DPP10: variants seen among roughly 807,000 people sequenced by gnomAD.
DPP10 encodes the protein inactive dipeptidyl peptidase 10.
A neutral mutation model predicts 120.9 loss-of-function variants in DPP10; 33 were observed. The observed-to-expected ratio is 0.27, with a 90% CI of 0.21 to 0.37. DPP10 has a LOEUF of 0.37. DPP10 is among the 10% of genes least tolerant of loss of function. The pLI, the probability that DPP10 is intolerant of heterozygous loss-of-function variation, is 1.00. For synonymous variants in DPP10, 337 were observed against 326.1 expected (o/e 1.03, Z -0.36); for missense variants, 816 against 942.8 (o/e 0.87, Z 1.76).
intron 21 of DPP10, among the ~76,000 whole-genome samples, chr2:115,824,489 A>G (rs1028303338): frequency 2.0e-4 from 31 of 151,916 alleles, no homozygotes; most frequent in Middle Eastern, 3.4e-3. Context: ...ACCCCCCAAC[A>G]GGCACCAGTG....
chr2:114,718,874 C>T (rs954338698), intron 1 of DPP10, among the ~76,000 whole-genome samples: 57 of 152,124 alleles, frequency 3.7e-4, no homozygotes, highest in African/African-American at 1.3e-3. Flanking sequence ...TTTGTAATGT[C>T]ACAGGGGATT....
intron 1 of DPP10, among the ~76,000 whole-genome samples, chr2:114,909,917 G>A (rs932989563): frequency 6.6e-6 from 1 of 151,858 alleles, no homozygotes; most frequent in Admixed American, 6.6e-5. Flanking sequence ...GTCAGCAGAC[G>A]TAATGAACTA....
intron 1 of DPP10, among the ~76,000 whole-genome samples, chr2:114,729,553 C>T (rs1676685271): frequency 6.6e-6 from 1 of 152,226 alleles, no homozygotes; most frequent in Non-Finnish European, 1.5e-5. Context: ...TTGGTCCCCA[C>T]AACTGAAACA....
chr2:115,087,625 C>T (rs1281624361), intron 1 of DPP10, among the ~76,000 whole-genome samples: 1 of 134,824 alleles, frequency 7.4e-6, no homozygotes, highest in Non-Finnish European at 1.6e-5. Context: ...CCAATCTCGG[C>T]TCACCGCAAC....
rs536360208 is a variant in DPP10 at position 114,457,028 on chromosome 2, G to A, written c.60+14190G>A. On this transcript the variant is annotated intron_variant, in intron 1 of 25. Transcript: ENST00000410059. Reference sequence around the variant, plus strand: ...CTGATCTAACTCCATCTAGTGAGAAGTTTCGAGAAAGAGTTTGAGTTGAGT... The same window carrying A: ...CTGATCTAACTCCATCTAGTGAGAAATTTCGAGAAAGAGTTTGAGTTGAGT... 1.1e-4 allele frequency among the ~76,000 whole-genome samples: 17 copies of A among 152,336 alleles called. No homozygotes were observed. The South Asian group carries it at 3.5e-3, about 32-fold the overall frequency.
At chr2:114,871,283 C>G (rs1467648044) in intron 1 of DPP10, among the ~76,000 whole-genome samples, 2 of 151,926 alleles carry the variant, frequency 1.3e-5, no homozygotes, top group Non-Finnish European at 2.9e-5. Flanking sequence ...GACTTTATTC[C>G]CATGAAAAAT....
At chr2:115,332,903 G>A (rs2062845252) in intron 2 of DPP10, among the ~76,000 whole-genome samples, 1 of 152,124 alleles carries the variant, frequency 6.6e-6, no homozygotes, top group African/African-American at 2.4e-5. Flanking sequence ...ATATTCTGTT[G>A]ATTTGGGTGG....
At chr2:114,945,635 C>A (rs1296966749) in intron 1 of DPP10, among the ~76,000 whole-genome samples, 2 of 151,974 alleles carry the variant, frequency 1.3e-5, no homozygotes, top group African/African-American at 2.4e-5. Context: ...GCCAACATGG[C>A]AAAACCCTAT....
In DPP10 at chr2:114,565,730, C is replaced by T. The variant is rs574951125; in HGVS notation, c.60+122892C>T. ...GGCTTGTCTTCTTATCTCAGACCTG[C>T]CACCTATAAACTACGTGACTTCCTG... On this transcript the variant is annotated intron_variant, in intron 1 of 25. Coordinates refer to ENST00000410059, the MANE Select transcript of DPP10 (RefSeq NM_020868.6). 5.9e-5 allele frequency among the ~76,000 whole-genome samples: 9 copies of T among 152,284 alleles called. No homozygotes were observed. In the East Asian group the frequency reaches 1.7e-3, roughly 29 times the overall value.
intron 5 of DPP10, among the ~76,000 whole-genome samples, chr2:115,628,325 G>A (rs562303952): frequency 8.5e-4 from 129 of 152,198 alleles, no homozygotes; most frequent in Non-Finnish European, 1.4e-3. Context: ...CTTTTGAGAA[G>A]TGTCTGTTCA....
chr2:115,492,786 C>G (rs1228341516), intron 3 of DPP10, among the ~76,000 whole-genome samples: 3 of 151,722 alleles, frequency 2.0e-5, no homozygotes, highest in Admixed American at 2.0e-4. Flanking sequence ...AAACCCAAAA[C>G]AAACACATCA....
chr2:114,996,980 CAAAAAAAA>C (rs34287029), intron 1 of DPP10, among the ~76,000 whole-genome samples: 5 of 66,478 alleles, frequency 7.5e-5, no homozygotes, highest in African/African-American at 1.8e-4. Flanking sequence ...GACTCCATCT[CAAAAAAAA>C]AAAAAAAAAA....
intron 1 of DPP10, among the ~76,000 whole-genome samples, chr2:114,885,393 C>T (rs768739621): frequency 1.5e-4 from 23 of 152,276 alleles, no homozygotes; most frequent in Admixed American, 4.6e-4. Context: ...CAAATCACCT[C>T]CCACCAGGTC....
At chr2:114,635,520 T>G (rs186172342) in intron 1 of DPP10, among the ~76,000 whole-genome samples, 1 of 152,102 alleles carries the variant, frequency 6.6e-6, no homozygotes, top group East Asian at 1.9e-4. Flanking sequence ...TGAGCAAGAC[T>G]GTTAGTGACC....
At chr2:114,626,189 A>G (rs1315974278) in intron 1 of DPP10, among the ~76,000 whole-genome samples, 1 of 151,758 alleles carries the variant, frequency 6.6e-6, no homozygotes, top group Non-Finnish European at 1.5e-5. Flanking sequence ...TAAAACACTC[A>G]CTACAAAATT....
At chr2:114,466,324 T>C (rs1679373401) in intron 1 of DPP10, among the ~76,000 whole-genome samples, 1 of 152,232 alleles carries the variant, frequency 6.6e-6, no homozygotes, top group Admixed American at 6.5e-5. Context: ...TTCATATATA[T>C]GTATTGTGTA....
chr2:115,758,534 C>T (rs1461775509), intron 11 of DPP10, among the ~76,000 whole-genome samples: 3 of 151,864 alleles, frequency 2.0e-5, no homozygotes, highest in African/African-American at 4.8e-5. Context: ...CCAAATTTAA[C>T]CATAATTTTA....
chr2:115,404,287 A>AT (rs1308659687), intron 3 of DPP10, among the ~76,000 whole-genome samples: 2 of 152,092 alleles, frequency 1.3e-5, no homozygotes, highest in Non-Finnish European at 2.9e-5. Flanking sequence ...AAATGACCAC[A>AT]TCTCATAAAA....
At chr2:115,231,151 C>G (rs1318852682) in intron 1 of DPP10, among the ~76,000 whole-genome samples, 1 of 151,608 alleles carries the variant, frequency 6.6e-6, no homozygotes, top group Non-Finnish European at 1.5e-5. Context: ...TAAGATATTT[C>G]AAATTCTGTA....
Sources: gnomAD v4.1 joint callset for allele counts (sites outside exome capture counted in the v4.1 genomes callset) on GRCh38, gnomAD v4.1.1 for gene constraint, MANE v1.5 for transcripts, NCBI Gene and HGNC (gene_info 2026-07-23, HGNC 2026-07-21) for gene names.